The following BTBD9 variants were observed in gnomAD, a reference collection of about 807,000 sequenced individuals.
BTBD9 encodes BTB domain containing 9.
BTBD9 carries 49 observed loss-of-function variants against 64.3 expected under a neutral mutation model. That is an observed-to-expected ratio of 0.76 (90% confidence interval 0.61 to 0.97). BTBD9 has a LOEUF of 0.97. Among genes scored for constraint, BTBD9 ranks in the 50% least tolerant of loss-of-function variants. The probability of loss-of-function intolerance (pLI) is 0.00; values close to 1 mark genes in which losing one functional copy is unlikely to be tolerated. For missense variants in BTBD9, 598 were observed against 762.1 expected (o/e 0.78, Z 2.53); for synonymous variants, 260 against 274.7 (o/e 0.95, Z 0.53).
intron 9 of BTBD9, among the ~76,000 whole-genome samples, chr6:38,199,714 C>T (rs745802515): frequency 4.6e-5 from 7 of 152,168 alleles, no homozygotes; most frequent in Non-Finnish European, 8.8e-5. Flanking sequence ...GAAAGGGCAT[C>T]CCAGTGAGAA....
chr6:38,521,364 T>C (rs1009439947), intron 6 of BTBD9, among the ~76,000 whole-genome samples: 1 of 152,238 alleles, frequency 6.6e-6, no homozygotes, highest in African/African-American at 2.4e-5. Flanking sequence ...TTAACCATCA[T>C]TGTTACCATT....
At chr6:38,537,825 C>T (rs758445795) in intron 6 of BTBD9, among the ~76,000 whole-genome samples, 3 of 152,084 alleles carry the variant, frequency 2.0e-5, no homozygotes, top group African/African-American at 7.2e-5. Context: ...ACCAAAGGAA[C>T]GTGAGTGGTA....
At chr6:38,435,619 C>CCT (rs151124406) in intron 6 of BTBD9, among the ~76,000 whole-genome samples, 21 of 5,900 alleles carry the variant, frequency 3.6e-3, no homozygotes, top group Non-Finnish European at 6.0e-3. Flanking sequence ...TCCTTCCCTC[C>CCT]CCCTCCCTCC....
intron 6 of BTBD9, among the ~76,000 whole-genome samples, chr6:38,512,385 G>A (rs1772816567): frequency 6.6e-6 from 1 of 152,136 alleles, no homozygotes; most frequent in African/African-American, 2.4e-5. Context: ...TATTAATTAG[G>A]TGTCAACATT....
chr6:38,343,625 A>T (rs1306518633), intron 7 of BTBD9, among the ~76,000 whole-genome samples: 2 of 152,202 alleles, frequency 1.3e-5, no homozygotes, highest in Non-Finnish European at 2.9e-5. Context: ...CAGCCTATAG[A>T]ATTAAAAAAC....
intron 4 of BTBD9, 101 bp downstream of exon 4, chr6:38,592,475 T>A (rs1003816975): frequency 7.9e-7 from 1 of 1,269,340 alleles, no homozygotes; most frequent in African/African-American, 1.5e-5. Flanking sequence ...ACATATTTCA[T>A]GTACACCTGC....
At chr6:38,191,471 G>A (rs9470823) in intron 10 of BTBD9, among the ~76,000 whole-genome samples, 83,284 of 151,994 alleles carry the variant, frequency 0.55, 23,741 homozygotes, top group Non-Finnish European at 0.63. Flanking sequence ...AAGCTGTCAC[G>A]CTGGTTATTA....
chr6:38,464,565 G>C (rs745538788), intron 6 of BTBD9, among the ~76,000 whole-genome samples: 1 of 151,784 alleles, frequency 6.6e-6, no homozygotes, highest in South Asian at 2.1e-4. Flanking sequence ...GCACAATCTC[G>C]GCTCACTGCA....
intron 9 of BTBD9, among the ~76,000 whole-genome samples, chr6:38,251,787 G>A (rs1244808041): frequency 6.6e-6 from 1 of 151,422 alleles, no homozygotes; most frequent in East Asian, 2.0e-4. Flanking sequence ...AACTACTTGG[G>A]AGACTGAGGC....
At chr6:38,354,605 A>G (rs2127594545) in intron 6 of BTBD9, among the ~76,000 whole-genome samples, 1 of 152,208 alleles carries the variant, frequency 6.6e-6, no homozygotes, top group Admixed American at 6.5e-5. Context: ...AACAAGCCCA[A>G]TGCATTGAAG....
intron 6 of BTBD9, among the ~76,000 whole-genome samples, chr6:38,397,351 G>A (rs1194697539): frequency 6.6e-6 from 1 of 152,192 alleles, no homozygotes; most frequent in Non-Finnish European, 1.5e-5. Context: ...CAATGGAGAT[G>A]TAGAAAAGAA....
Position 38,256,934 on chromosome 6 carries a change from T to C in BTBD9, c.1455-418A>G, listed in dbSNP as rs913303139. 1.3e-3 allele frequency among the ~76,000 whole-genome samples: 195 copies of C among 152,104 alleles called. 3 individuals are homozygous for C. Among genetic ancestry groups the C allele is most frequent in the Non-Finnish European group, 7.4e-5 (5 of 68,026 alleles). On this transcript the variant is annotated intron_variant, in intron 8 of 10. Coordinates refer to ENST00000481247, the MANE Select transcript of BTBD9 (RefSeq NM_001099272.2). ...TGTTTCTCTGTCACCCTGGCTGGAG[T>C]GCAGTGGTGTGATCAGTGGAGTAAT... is the stretch of plus-strand genomic sequence containing the variant.
intron 6 of BTBD9, among the ~76,000 whole-genome samples, chr6:38,354,210 A>C (rs1250152167): frequency 6.6e-6 from 1 of 152,190 alleles, no homozygotes; most frequent in Non-Finnish European, 1.5e-5. Flanking sequence ...TGATAAAGAG[A>C]GCACAGGGAG....
At chr6:38,259,040 A>G (rs757814095) in intron 8 of BTBD9, among the ~76,000 whole-genome samples, 1 of 152,254 alleles carries the variant, frequency 6.6e-6, no homozygotes, top group Non-Finnish European at 1.5e-5. Context: ...AAGCACTATT[A>G]TTATGAAATT....
chr6:38,327,969 C>T (rs536948119), intron 7 of BTBD9, among the ~76,000 whole-genome samples: 3 of 152,302 alleles, frequency 2.0e-5, no homozygotes, highest in South Asian at 2.1e-4. Flanking sequence ...AGTGCTGAGG[C>T]GCACCAGAAG....
chr6:38,347,476 G>A (rs1764326129), intron 6 of BTBD9, among the ~76,000 whole-genome samples: 1 of 152,076 alleles, frequency 6.6e-6, no homozygotes, highest in African/African-American at 2.4e-5. Flanking sequence ...ACAATGCTAA[G>A]TTTCTAGAAA....
At chr6:38,267,957 A>C (rs1765071100) in intron 8 of BTBD9, among the ~76,000 whole-genome samples, 1 of 152,170 alleles carries the variant, frequency 6.6e-6, no homozygotes. Flanking sequence ...AAAACAAAAC[A>C]AAACAAAAAC....
intron 9 of BTBD9, among the ~76,000 whole-genome samples, chr6:38,205,525 T>G (rs1189450683): frequency 6.6e-6 from 1 of 152,146 alleles, no homozygotes; most frequent in Non-Finnish European, 1.5e-5. Context: ...CTTCATCCTC[T>G]CTTTGTATTT....
At chr6:38,604,712 C>T (rs1308348953) in intron 1 of BTBD9, among the ~76,000 whole-genome samples, 1 of 152,116 alleles carries the variant, frequency 6.6e-6, no homozygotes, top group African/African-American at 2.4e-5. Context: ...ATGAACAGAA[C>T]TCAGAAAATT....
Sources: allele counts gnomAD v4.1 joint callset (sites outside exome capture counted in the v4.1 genomes callset), GRCh38; gene constraint gnomAD v4.1.1; transcripts MANE v1.5; gene names NCBI Gene and HGNC (gene_info 2026-07-23, HGNC 2026-07-21).